The following CALN1 variants were observed in gnomAD, a reference collection of about 807,000 sequenced individuals.
The protein encoded by CALN1 is calneuron 1.
Under a neutral mutation model 30.6 loss-of-function variants are expected in CALN1, and 17 were observed. The ratio of observed to expected loss-of-function variants is 0.56; its 90% CI spans 0.38 to 0.83. The LOEUF is 0.83. Among genes scored for constraint, CALN1 ranks in the 40% least tolerant of loss-of-function variants. The probability of loss-of-function intolerance (pLI) is 0.00; values close to 1 mark genes in which losing one functional copy is unlikely to be tolerated. For missense variants in CALN1, 291 were observed against 354.9 expected (o/e 0.82, Z 1.45); for synonymous variants, 156 against 131.4 (o/e 1.19, Z -1.28).
chr7:72,279,652 G>C lies in CALN1; in HGVS notation c.120-842C>G, dbSNP rs1354887366. On this transcript the variant is annotated intron_variant, in intron 2 of 6. Coordinates refer to ENST00000395275, the MANE Select transcript of CALN1 (RefSeq NM_031468.4). ...GGAAAAAAGAGATGTGAGATAAAAGGACAGCAAAGACAATGGAAGAGAATG... is the reference window on the plus strand; with the variant it reads ...GGAAAAAAGAGATGTGAGATAAAAGCACAGCAAAGACAATGGAAGAGAATG... Among the ~76,000 whole-genome samples, 6 of 152,230 alleles carry C rather than the reference G, an allele frequency of 3.9e-5. No homozygotes were observed. The East Asian group carries it at 9.6e-4, about 24-fold the overall frequency.
chr7:72,081,405 GGGTGTGTGTGTGTGTGTGTTTGTTTTT>G (rs1296791042), intron 4 of CALN1, among the ~76,000 whole-genome samples: 1 of 137,946 alleles, frequency 7.2e-6, no homozygotes, highest in Non-Finnish European at 1.6e-5. Context: ...CAAAATCATA[GGGTGTGTGTGTGTGTGTGTTTGTTTTT>G]GGTGTGTGTG....
At chr7:71,960,947 G>A (rs1797219985) in intron 5 of CALN1, among the ~76,000 whole-genome samples, 1 of 152,276 alleles carries the variant, frequency 6.6e-6, no homozygotes, top group East Asian at 1.9e-4. Context: ...CTCCTGAGTA[G>A]CTGGGATCAC....
rs116923776 is a variant in CALN1, at chr7:71,874,465, G to A, written c.502-63973C>T. Among the ~76,000 whole-genome samples the A allele has an allele frequency of 1.0e-3, 155 of 152,120 alleles. 1 individual carries two copies. In the East Asian group the frequency reaches 0.024, roughly 23 times the overall value. On this transcript the variant is annotated intron_variant, in intron 5 of 6. Transcript: ENST00000395275. ...TCATTTGCAGCAAAAGCAAATGCAC[G>A]TGTCCTTTTGCTAGGTTCACATTCT...
intron 5 of CALN1, among the ~76,000 whole-genome samples, chr7:71,888,433 G>A (rs1298901648): frequency 1.8e-5 from 2 of 111,228 alleles, no homozygotes; most frequent in Non-Finnish European, 3.5e-5. Context: ...AGCCATTATC[G>A]AGAGAGAGAG....
intron 3 of CALN1, among the ~76,000 whole-genome samples, chr7:72,277,841 T>A (rs1562829279): frequency 6.6e-6 from 1 of 152,154 alleles, no homozygotes; most frequent in Non-Finnish European, 1.5e-5. Flanking sequence ...TGGGGTAATT[T>A]TGACTTCTCT....
chr7:72,079,761 C>CTTT lies in CALN1; in HGVS notation c.388+26387_388+26389dup, dbSNP rs3065015. 8.5e-4 allele frequency among the ~76,000 whole-genome samples: 88 copies of CTTT among 104,042 alleles called. 5 individuals carry two copies. The highest frequency in any genetic ancestry group is 2.2e-3 in the African/African-American group (55 of 25,056). The allele number at this position is 104,042 out of a possible 152,430, so 68.3% of individuals were successfully genotyped here. On this transcript the variant is annotated intron_variant, in intron 4 of 6. Coordinates refer to ENST00000395275, the MANE Select transcript of CALN1 (RefSeq NM_031468.4). Reference sequence around the variant, plus strand: ...AAATGCCCAAGAGGTTGCCTTTTTCCTTTTTTTTTTTTTTTTTTTTTTTTT... The same window carrying CTTT: ...AAATGCCCAAGAGGTTGCCTTTTTCCTTTTTTTTTTTTTTTTTTTTTTTTTTTT...
chr7:72,394,231 C>G (rs1272870745), intron 2 of CALN1, among the ~76,000 whole-genome samples: 2 of 152,200 alleles, frequency 1.3e-5, no homozygotes, highest in African/African-American at 4.8e-5. Flanking sequence ...TCACCTCCTT[C>G]CCCTCCACTC....
intron 2 of CALN1, among the ~76,000 whole-genome samples, chr7:72,299,610 GAATT>G (rs1388800205): frequency 6.9e-6 from 1 of 144,982 alleles, no homozygotes; most frequent in East Asian, 2.0e-4. Flanking sequence ...GAAAGACAAA[GAATT>G]AATAAAGTAT....
chr7:72,343,760 T>C (rs10274751), intron 2 of CALN1, among the ~76,000 whole-genome samples: 30,517 of 152,116 alleles, frequency 0.2, 3,878 homozygotes, highest in East Asian at 0.4. Flanking sequence ...CAGGGTTTGC[T>C]GAGTTAGAAA....
At chr7:72,292,688 G>A (rs1798570430) in intron 2 of CALN1, among the ~76,000 whole-genome samples, 2 of 151,176 alleles carry the variant, frequency 1.3e-5, no homozygotes, top group African/African-American at 4.9e-5. Context: ...AGGCATGGTG[G>A]CGCATGCTTG....
At chr7:72,012,381 C>T (rs1485290525) in intron 5 of CALN1, among the ~76,000 whole-genome samples, 1 of 151,990 alleles carries the variant, frequency 6.6e-6, no homozygotes, top group South Asian at 2.1e-4. Flanking sequence ...GGTGTGGTGG[C>T]GGGTGCCTGT....
the CALN1 span, among the ~76,000 whole-genome samples, chr7:72,503,301 T>C: frequency 6.6e-6 from 1 of 152,102 alleles, no homozygotes; most frequent in Non-Finnish European, 1.5e-5. Flanking sequence ...ACCCTCACCT[T>C]CATCCAATGT....
chr7:72,205,582 A>ATATATATATATATATATATATATATATG (rs1554319695), intron 3 of CALN1, among the ~76,000 whole-genome samples: 1 of 132,680 alleles, frequency 7.5e-6, no homozygotes, highest in South Asian at 2.5e-4. Flanking sequence ...ATATATATAT[A>ATATATATATATATATATATATATATATG]TATATTCAGG....
intron 5 of CALN1, among the ~76,000 whole-genome samples, chr7:71,891,320 T>C (rs761075359): frequency 6.6e-6 from 1 of 152,226 alleles, no homozygotes; most frequent in African/African-American, 2.4e-5. Flanking sequence ...AGATTCTGGA[T>C]ACCTGCTTCC....
chr7:72,061,479 A>G (rs1803640994), intron 4 of CALN1, among the ~76,000 whole-genome samples: 1 of 152,134 alleles, frequency 6.6e-6, no homozygotes, highest in Non-Finnish European at 1.5e-5. Flanking sequence ...TAGACAAAGA[A>G]ATAAATGATA....
intron 3 of CALN1, among the ~76,000 whole-genome samples, chr7:72,175,023 G>A (rs1235202203): frequency 6.6e-6 from 1 of 150,524 alleles, no homozygotes; most frequent in African/African-American, 2.4e-5. Context: ...TCAACAAATT[G>A]CACAATTTAA....
Position 72,182,272 on chromosome 7 carries a change from G to GA in CALN1, c.245-75979dup, listed in dbSNP as rs1199881555. Among the ~76,000 whole-genome samples, 14 of 150,184 alleles carry GA rather than the reference G, an allele frequency of 9.3e-5. No homozygotes were observed. In the East Asian group the frequency reaches 1.4e-3, roughly 15 times the overall value. On this transcript the variant is annotated intron_variant, in intron 3 of 6. Coordinates refer to ENST00000395275, the MANE Select transcript of CALN1 (RefSeq NM_031468.4). Reference sequence around the variant, plus strand: ...TCATTGATCAAGTGTGTCATGCTCTGAAAAAAAAAGCTGGTCTAGGAAGAG... The same window carrying GA: ...TCATTGATCAAGTGTGTCATGCTCTGAAAAAAAAAAGCTGGTCTAGGAAGAG...
At position 72,255,874 on chromosome 7, in the gene CALN1, A is replaced by C. The variant is rs368069118; in HGVS notation, c.244+22812T>G. ...GCCTCCTGAGTAGCTGCGATTACAG[A>C]TGCGCACCAGCACGCTGGCTAATTT... is the stretch of plus-strand genomic sequence containing the variant. On this transcript the variant is annotated intron_variant, in intron 3 of 6. Transcript: ENST00000395275. 5.3e-5 allele frequency among the ~76,000 whole-genome samples: 8 copies of C among 151,942 alleles called. No individual in the cohort carries two copies. The East Asian group carries it at 7.8e-4, about 15-fold the overall frequency.
chr7:72,349,999 C>G (rs188179716), intron 2 of CALN1, among the ~76,000 whole-genome samples: 29 of 152,220 alleles, frequency 1.9e-4, no homozygotes, highest in Admixed American at 9.8e-4. Context: ...GTCATTAAAT[C>G]TTTGTCAGGA....
Sources: allele counts gnomAD v4.1 joint callset (sites outside exome capture counted in the v4.1 genomes callset), GRCh38; gene constraint gnomAD v4.1.1; transcripts MANE v1.5; gene names NCBI Gene and HGNC (gene_info 2026-07-23, HGNC 2026-07-21).